PAFAH1B1: variants seen among roughly 807,000 people sequenced by gnomAD.
PAFAH1B1 encodes the protein platelet activating factor acetylhydrolase 1b regulatory subunit 1.
Under a neutral mutation model 57.5 loss-of-function variants are expected in PAFAH1B1, and 2 were observed. The observed-to-expected ratio is 0.03, with a 90% CI of 0.01 to 0.11. The LOEUF (loss-of-function observed/expected upper bound fraction) is 0.11. PAFAH1B1 is among the 10% of genes least tolerant of loss of function. The pLI, the probability that PAFAH1B1 is intolerant of heterozygous loss-of-function variation, is 1.00. For missense variants in PAFAH1B1, 257 were observed against 512.0 expected (o/e 0.50, Z 4.81); for synonymous variants, 152 against 169.6 (o/e 0.90, Z 0.81).
intron 1 of PAFAH1B1, among the ~76,000 whole-genome samples, chr17:2,622,650 A>G (rs955965906): frequency 1.3e-5 from 2 of 152,004 alleles, no homozygotes; most frequent in African/African-American, 2.4e-5. Flanking sequence ...CAGCTTTTCC[A>G]GGCGACAGTG....
intron 8 of PAFAH1B1, among the ~76,000 whole-genome samples, chr17:2,675,697 T>G (rs369176215): frequency 3.0e-4 from 45 of 151,808 alleles, no homozygotes; most frequent in African/African-American, 1.0e-3. Flanking sequence ...AAAACTTAGC[T>G]AGGTGTGGTG....
intron 1 of PAFAH1B1, among the ~76,000 whole-genome samples, chr17:2,615,603 G>A (rs765836700): frequency 6.6e-6 from 1 of 152,044 alleles, no homozygotes; most frequent in African/African-American, 2.4e-5. Flanking sequence ...ACCGCGCCTG[G>A]CTAATTTTTC....
chr17:2,633,881 G>A (rs1567538231), intron 1 of PAFAH1B1, among the ~76,000 whole-genome samples: 1 of 150,356 alleles, frequency 6.7e-6, no homozygotes, highest in East Asian at 2.0e-4. Flanking sequence ...TAATATAGGT[G>A]TTGCTCTGCA....
intron 1 of PAFAH1B1, among the ~76,000 whole-genome samples, chr17:2,634,286 C>A (rs2068594705): frequency 6.6e-6 from 1 of 152,106 alleles, no homozygotes; most frequent in Non-Finnish European, 1.5e-5. Flanking sequence ...CAGGTGCTCG[C>A]CACCATGCCC....
chr17:2,671,277 T>G (rs933947997), intron 6 of PAFAH1B1, among the ~76,000 whole-genome samples: 1 of 152,086 alleles, frequency 6.6e-6, no homozygotes, highest in Non-Finnish European at 1.5e-5. Context: ...GGCACAATCT[T>G]GGCTCACTGC....
chr17:2,602,486 C>T (rs538524000), intron 1 of PAFAH1B1, among the ~76,000 whole-genome samples: 3 of 152,236 alleles, frequency 2.0e-5, no homozygotes, highest in Admixed American at 2.0e-4. Flanking sequence ...AATCAATTAC[C>T]TTGTCTTGCC....
At chr17:2,655,408 T>C (rs1318106470) in intron 2 of PAFAH1B1, among the ~76,000 whole-genome samples, 1 of 152,152 alleles carries the variant, frequency 6.6e-6, no homozygotes, top group Non-Finnish European at 1.5e-5. Flanking sequence ...GCACAGTGGC[T>C]CACTTCTGTA....
intron 1 of PAFAH1B1, among the ~76,000 whole-genome samples, chr17:2,613,042 T>TA (rs34932981): frequency 0.014 from 1,818 of 132,342 alleles, 26 homozygotes; most frequent in South Asian, 0.041. Context: ...TAATAATTTG[T>TA]AAAAAAAAAA....
intron 1 of PAFAH1B1, among the ~76,000 whole-genome samples, chr17:2,594,586 G>T (rs1482622793): frequency 6.6e-6 from 1 of 152,190 alleles, no homozygotes; most frequent in Non-Finnish European, 1.5e-5. Flanking sequence ...CCAGCGGAGG[G>T]TGGCCCACCG....
At chr17:2,676,293 G>T (rs567787328) in intron 8 of PAFAH1B1, 6 of 487,136 alleles carry the variant, frequency 1.2e-5, no homozygotes, top group Admixed American at 3.2e-5. Context: ...CAGGAGATTC[G>T]CTTGAACCCG....
chr17:2,666,965 G>C (rs2069114263), intron 4 of PAFAH1B1, 27 bp from the exon 5 acceptor site: 2 of 1,528,408 alleles, frequency 1.3e-6, no homozygotes, highest in Non-Finnish European at 1.8e-6. Context: ...AAATCTATCT[G>C]TACGTAACTA....
At chr17:2,621,607 CTTTTTTT>C (rs534219431) in intron 1 of PAFAH1B1, among the ~76,000 whole-genome samples, 3 of 84,758 alleles carry the variant, frequency 3.5e-5, no homozygotes, top group Non-Finnish European at 6.0e-5. Flanking sequence ...GATAATCTGT[CTTTTTTT>C]TTTTTTTTTT....
chr17:2,644,704 ACC>A (rs1250231651), intron 2 of PAFAH1B1, among the ~76,000 whole-genome samples: 1 of 152,156 alleles, frequency 6.6e-6, no homozygotes, highest in Non-Finnish European at 1.5e-5. Flanking sequence ...GCATATGTGT[ACC>A]TTTGTATTAT....
intron 1 of PAFAH1B1, among the ~76,000 whole-genome samples, chr17:2,594,857 A>C (rs902494790): frequency 6.6e-6 from 1 of 152,146 alleles, no homozygotes; most frequent in African/African-American, 2.4e-5. Context: ...TTAGCCTCCC[A>C]CATGAGAAAA....
Position 2,627,555 on chromosome 17 carries a change from C to G in PAFAH1B1, c.-190-10544C>G, listed in dbSNP as rs149457400. The stretch of plus-strand genomic sequence containing the variant: ...TCCAGATTTGTTCTTTTTGCTTAGT[C>G]TTACTTTGGCTATGCAGTCTCTTTT... On this transcript the variant is annotated intron_variant, in intron 1 of 10. Coordinates refer to ENST00000397195, the MANE Select transcript of PAFAH1B1 (RefSeq NM_000430.4). Among the ~76,000 whole-genome samples, 41 of 152,208 alleles carry G rather than the reference C, an allele frequency of 2.7e-4. No homozygotes were observed. The East Asian group carries it at 6.8e-3, about 25-fold the overall frequency.
At chr17:2,611,991 AGCT>A (rs1456403787) in intron 1 of PAFAH1B1, among the ~76,000 whole-genome samples, 2 of 152,180 alleles carry the variant, frequency 1.3e-5, no homozygotes, top group African/African-American at 4.8e-5. Context: ...TGTTTATGCT[AGCT>A]GCTGAGAGGC....
intron 1 of PAFAH1B1, among the ~76,000 whole-genome samples, chr17:2,628,048 A>T (rs2068513571): frequency 6.6e-6 from 1 of 152,232 alleles, no homozygotes; most frequent in South Asian, 2.1e-4. Flanking sequence ...CTTCCTCTTT[A>T]CTGACTTGGA....
chr17:2,609,664 A>G (rs2068244374), intron 1 of PAFAH1B1: 1 of 151,866 alleles, frequency 6.6e-6, no homozygotes, highest in African/African-American at 2.4e-5. Flanking sequence ...GGCGCCCGCC[A>G]CCAGGCCCAG....
chr17:2,670,461 A>G, intron 6 of PAFAH1B1, 130 bp downstream of exon 6: 3 of 906,830 alleles, frequency 3.3e-6, no homozygotes, highest in Non-Finnish European at 5.4e-6. Flanking sequence ...AGAGCATACC[A>G]TGTAGATAGT....
Sources: allele counts gnomAD v4.1 joint callset (sites outside exome capture counted in the v4.1 genomes callset), GRCh38; gene constraint gnomAD v4.1.1; transcripts MANE v1.5; gene names NCBI Gene and HGNC (gene_info 2026-07-23, HGNC 2026-07-21).